The following PCDH10 variants were observed in gnomAD, a reference collection of about 807,000 sequenced individuals.
PCDH10 encodes the protein protocadherin 10.
PCDH10 carries 15 observed loss-of-function variants against 74.4 expected under a neutral mutation model. The observed-to-expected ratio is 0.20, with a 90% CI of 0.13 to 0.31. The LOEUF (loss-of-function observed/expected upper bound fraction) is 0.31, where lower values mean the gene tolerates loss of function less well. PCDH10 is among the 10% of genes least tolerant of loss of function. The pLI, the probability that PCDH10 is intolerant of heterozygous loss-of-function variation, is 1.00. For synonymous variants in PCDH10, 619 were observed against 589.8 expected (o/e 1.05, Z -0.72); for missense variants, 1,260 against 1,390.2 (o/e 0.91, Z 1.49).
chr4:133,151,038 C>G lies in PCDH10; in HGVS notation c.898C>G (p.Leu300Val). ...SSHISPRARELFGLSPRTGRL... is the reference protein window; with the variant it reads ...SSHISPRAREVFGLSPRTGRL... ...CCACATTTCGCCCCGGGCGCGGGAG[C>G]TTTTCGGACTCTCGCCGCGCACTGG... Residue 300 changes from leucine (L) to valine (V), a missense_variant, in exon 1 of 5, where the codon CTT becomes GTT. Physicochemically the swap from Leu to Val is conservative, Grantham distance 32. Transcript: ENST00000264360. The G allele has an allele frequency of 6.2e-7, 1 of 1,613,920 alleles. No homozygotes were observed. Among genetic ancestry groups the G allele is most frequent in the Middle Eastern group, 1.6e-4 (1 of 6,062 alleles).
intron 4 of PCDH10, 125 bp from the exon 5 acceptor site, chr4:133,190,016 T>C: frequency 1.3e-6 from 1 of 766,720 alleles, no homozygotes; most frequent in Non-Finnish European, 2.3e-6. Context: ...AGTTTGACAC[T>C]ACATGTGTTT....
intron 1 of PCDH10, 108 bp downstream of exon 1, chr4:133,152,879 G>C: frequency 6.6e-7 from 1 of 1,507,986 alleles, no homozygotes; most frequent in Non-Finnish European, 8.9e-7. Context: ...TAGGATATTA[G>C]CTTATGTGTA....
chr4:133,165,550 C>T (rs1252737121), intron 4 of PCDH10, among the ~76,000 whole-genome samples: 2 of 151,398 alleles, frequency 1.3e-5, no homozygotes, highest in East Asian at 3.9e-4. Context: ...AAAGTAAGTC[C>T]CTTGCATAAT....
At chr4:133,156,834 A>G (rs778612946) in intron 3 of PCDH10, among the ~76,000 whole-genome samples, 4 of 152,214 alleles carry the variant, frequency 2.6e-5, no homozygotes, top group Non-Finnish European at 5.9e-5. Context: ...ACATCTGCAA[A>G]AGAGCCAAAT....
At chr4:133,204,048 A>C (rs1727955742) in intron 2 of PCDH10, among the ~76,000 whole-genome samples, 1 of 151,998 alleles carries the variant, frequency 6.6e-6, no homozygotes, top group South Asian at 2.1e-4. Context: ...AATGCTCCTA[A>C]ACTCTCTCTC....
intron 3 of PCDH10, among the ~76,000 whole-genome samples, chr4:133,162,173 A>G (rs564955408): frequency 6.6e-6 from 1 of 152,324 alleles, no homozygotes; most frequent in Non-Finnish European, 1.5e-5. Context: ...GTGTGTTCCA[A>G]TATAGAGCAA....
intron 4 of PCDH10, among the ~76,000 whole-genome samples, chr4:133,170,634 A>C (rs1727183352): frequency 6.6e-6 from 1 of 152,124 alleles, no homozygotes; most frequent in Non-Finnish European, 1.5e-5. Flanking sequence ...TTAACATGAC[A>C]GTATGGTGCT....
rs1249939880 is a variant in PCDH10 at position 133,191,848 on chromosome 4, G to T, written c.*1688G>T. ...CTTATATTCAATGACAGTTTGAGCT[G>T]CACTGTGTTATTAAAGAATAGACTA... On this transcript the variant is annotated 3_prime_UTR_variant, in exon 5 of 5. Coordinates refer to ENST00000264360, the MANE Select transcript of PCDH10 (RefSeq NM_032961.3). The T allele has an allele frequency of 6.6e-6, 1 of 151,424 alleles. No individual in the cohort carries two copies. Among genetic ancestry groups the T allele is most frequent in the Non-Finnish European group, 1.5e-5 (1 of 67,658 alleles). 9.4% of individuals were successfully genotyped at this position (151,424 alleles called of 1,614,324 possible). A position where few individuals can be genotyped will look rare whatever the true frequency, so the allele number is the denominator to read the frequency against.
At position 133,152,496 on chromosome 4, in the gene PCDH10, G is replaced by A; in HGVS notation, c.2356G>A (p.Asp786Asn). The change falls in exon 1 of 5, where the codon GAC becomes AAC. Residue 786 changes from aspartate (D) to asparagine (N), a missense_variant. Asp to Asn is a conservative substitution (Grantham distance 23). Transcript: ENST00000264360. ...RARKKKLSKSDIMLVQSSNVP... is the reference protein window; with the variant it reads ...RARKKKLSKSNIMLVQSSNVP... ...GCGCAAGAAGAAACTCAGCAAGTCAGACATCATGCTGGTGCAGAGCTCCAA... is the reference window on the plus strand; with the variant it reads ...GCGCAAGAAGAAACTCAGCAAGTCAAACATCATGCTGGTGCAGAGCTCCAA... 1 of 1,614,176 alleles carries A rather than the reference G, an allele frequency of 6.2e-7. No homozygotes were observed. The highest frequency in any genetic ancestry group is 8.5e-7 in the Non-Finnish European group (1 of 1,180,008).
chr4:133,179,526 C>G (rs943441880), intron 4 of PCDH10, among the ~76,000 whole-genome samples: 2 of 152,126 alleles, frequency 1.3e-5, no homozygotes, highest in Middle Eastern at 3.2e-3. Context: ...CTGACATCCT[C>G]TCTCATCTGA....
chr4:133,208,260 A>C (rs993664234), exon 3 of PCDH10: 1 of 152,216 alleles, frequency 6.6e-6, no homozygotes, highest in African/African-American at 2.4e-5. Flanking sequence ...GTTAAGCTGC[A>C]CTAAAATTTT....
At chr4:133,196,562 A>T (rs1187017421), downstream of PCDH10, among the ~76,000 whole-genome samples, 1 of 152,244 alleles carries the variant, frequency 6.6e-6, no homozygotes, top group African/African-American at 2.4e-5. Context: ...TGTAGCCTCC[A>T]GCTGCATGAT....
chr4:133,193,404 A>G lies in PCDH10; in HGVS notation c.*3244A>G, dbSNP rs1727721611. The G allele has an allele frequency of 6.6e-6, 1 of 151,604 alleles. No individual in the cohort carries two copies. Among genetic ancestry groups the G allele is most frequent in the East Asian group, 1.9e-4 (1 of 5,198 alleles). The allele number at this position is 151,604 out of a possible 1,614,324, so 9.4% of individuals were successfully genotyped here. ...GAATATTTAAATATTTTAATTTCTC[A>G]TTGTTTTATTTGTTAATTGGATTGT... On this transcript the variant is annotated 3_prime_UTR_variant, in exon 5 of 5. Coordinates refer to ENST00000264360, the MANE Select transcript of PCDH10 (RefSeq NM_032961.3).
At chr4:133,177,952 C>T (rs1024421794) in intron 4 of PCDH10, among the ~76,000 whole-genome samples, 1 of 152,072 alleles carries the variant, frequency 6.6e-6, no homozygotes, top group Non-Finnish European at 1.5e-5. Context: ...TATTTAAGCA[C>T]TATCTGTGTG....
chr4:133,173,770 G>A (rs72942290), intron 4 of PCDH10, among the ~76,000 whole-genome samples: 3,403 of 151,104 alleles, frequency 0.023, 114 homozygotes, highest in African/African-American at 0.076. Context: ...GAATTGCAAT[G>A]GAGAATGAAA....
chr4:133,182,071 T>C (rs1056535245), intron 4 of PCDH10, among the ~76,000 whole-genome samples: 9 of 152,090 alleles, frequency 5.9e-5, no homozygotes, highest in African/African-American at 2.2e-4. Context: ...CTTACATTGT[T>C]GGAATTTATA....
At chr4:133,173,321 A>G (rs916641698) in intron 4 of PCDH10, among the ~76,000 whole-genome samples, 5 of 152,016 alleles carry the variant, frequency 3.3e-5, no homozygotes, top group African/African-American at 9.7e-5. Flanking sequence ...TATAGATAAG[A>G]TGGTAATCAG....
intron 2 of PCDH10, among the ~76,000 whole-genome samples, chr4:133,204,071 T>C (rs563708915): frequency 6.6e-6 from 1 of 152,138 alleles, no homozygotes. Flanking sequence ...TATTTTTCCA[T>C]CAGTGCCTTG....
At chr4:133,160,910 A>C (rs921462715) in intron 3 of PCDH10, among the ~76,000 whole-genome samples, 2 of 152,006 alleles carry the variant, frequency 1.3e-5, no homozygotes, top group Admixed American at 6.6e-5. Context: ...ATGTTCCCCC[A>C]TCATTCTATT....
Sources: gnomAD v4.1 joint callset for allele counts (sites outside exome capture counted in the v4.1 genomes callset) on GRCh38, gnomAD v4.1.1 for gene constraint, MANE v1.5 for transcripts, NCBI Gene and HGNC (gene_info 2026-07-23, HGNC 2026-07-21) for gene names.